The following C2orf74 variants were observed in gnomAD, a reference collection of about 807,000 sequenced individuals.
C2orf74 encodes uncharacterized protein C2orf74.
A neutral mutation model predicts 17.9 loss-of-function variants in C2orf74; 14 were observed. The observed-to-expected ratio is 0.78, with a 90% CI of 0.52 to 1.22. The LOEUF is 1.22. Ranked by LOEUF, C2orf74 falls within the 50% of genes most tolerant of loss-of-function variation. C2orf74 has a pLI of 0.00. For synonymous variants in C2orf74, 79 were observed against 72.6 expected (o/e 1.09, Z -0.44); for missense variants, 217 against 218.4 (o/e 0.99, Z 0.04).
Position 61,162,588 on chromosome 2 carries a change from T to G in C2orf74, c.74T>G (p.Leu25Trp). Residue 25 changes from leucine (L) to tryptophan (W), a missense_variant, in exon 2 of 5, where the codon TTG (leucine) becomes TGG (tryptophan). Coordinates refer to ENST00000432605, the MANE Select transcript of C2orf74 (RefSeq NM_001143959.4). ...TGCCTCATTTGCATCCTCCTCTTAT[T>G]GGTGGTTTTTTTATATAAATGGTAT... ...LICLICILLLLVVFLYKCFQG... is the reference protein window; with the variant it reads ...LICLICILLLWVVFLYKCFQG... 1 of 1,548,188 alleles carries G rather than the reference T, an allele frequency of 6.5e-7. No individual in the cohort carries two copies. The highest frequency in any genetic ancestry group is 1.2e-5 in the South Asian group (1 of 83,792).
chr2:61,148,495 A>G (rs939114564), intron 1 of C2orf74, among the ~76,000 whole-genome samples: 7 of 152,140 alleles, frequency 4.6e-5, no homozygotes, highest in African/African-American at 1.7e-4. Context: ...CTGGAAAGGA[A>G]TATTTTAATA....
At chr2:61,154,829 C>T (rs886745964) in intron 1 of C2orf74, among the ~76,000 whole-genome samples, 3 of 151,682 alleles carry the variant, frequency 2.0e-5, no homozygotes, top group South Asian at 2.1e-4. Flanking sequence ...CCAAGGTAGG[C>T]GGATCGCTTG....
chr2:61,149,559 A>G (rs1573704454), intron 1 of C2orf74, among the ~76,000 whole-genome samples: 2 of 142,192 alleles, frequency 1.4e-5, no homozygotes, highest in African/African-American at 2.6e-5. Flanking sequence ...CCCCGTCTAG[A>G]TGTTGGGCGC....
upstream of C2orf74, among the ~76,000 whole-genome samples, chr2:61,158,979 T>G (rs1685479964): frequency 2.4e-5 from 3 of 124,822 alleles, no homozygotes; most frequent in South Asian, 2.6e-4. Context: ...AGTTTTTTTT[T>G]GTTGTTTGTT....
At chr2:61,147,682 C>A (rs546196459) in intron 1 of C2orf74, among the ~76,000 whole-genome samples, 1 of 152,088 alleles carries the variant, frequency 6.6e-6, no homozygotes, top group Non-Finnish European at 1.5e-5. Flanking sequence ...TTTTTATAGG[C>A]GTTTTAAAAA....
Position 61,164,520 on chromosome 2 carries a change from GGAAAT to G in C2orf74, c.561_*1del. The G allele has an allele frequency of 6.6e-7, 1 of 1,511,928 alleles. No individual in the cohort carries two copies. Among genetic ancestry groups the G allele is most frequent in the Non-Finnish European group, 8.8e-7 (1 of 1,130,228 alleles). 93.7% of individuals were successfully genotyped at this position (1,511,928 alleles called of 1,614,324 possible). A position where few individuals can be genotyped will look rare whatever the true frequency, so the allele number is the denominator to read the frequency against. ...AGCTATACTCGAGAACATAAAGAGA[GGAAAT>G]GAAGCTCAAAAAAGGGTAAGAGTGA... is the stretch of plus-strand genomic sequence containing the variant. On this transcript the variant is annotated frameshift_variant and stop_lost, in exon 5 of 5. Transcript: ENST00000432605. LOFTEE classifies it high-confidence loss of function.
intron 4 of C2orf74, among the ~76,000 whole-genome samples, 184 bp from the exon 5 acceptor site, chr2:61,164,170 G>A (rs1729662): frequency 0.63 from 95,774 of 151,992 alleles, 30,554 homozygotes; most frequent in African/African-American, 0.73. Flanking sequence ...GAATATGTCA[G>A]TGTGTGCTTT....
rs1019364835 is a variant in C2orf74, at chr2:61,146,730, A to T, written c.-122+1534A>T. The stretch of plus-strand genomic sequence containing the variant: ...ATGCCTGTGGTCCCAGCTACTCAGG[A>T]GGCTGAGGCAGGAGAATTGAATCGC... On this transcript the variant is annotated intron_variant, in intron 1 of 3. Transcript: ENST00000426997. 4.6e-5 allele frequency among the ~76,000 whole-genome samples: 7 copies of T among 152,266 alleles called. 1 individual carries two copies.
intron 1 of C2orf74, among the ~76,000 whole-genome samples, chr2:61,145,757 A>T (rs546257928): frequency 6.6e-6 from 1 of 152,040 alleles, no homozygotes; most frequent in Non-Finnish European, 1.5e-5. Flanking sequence ...GACAGGTGGC[A>T]CGATCACAGC....
chr2:61,163,300 C>T (rs1685623925), intron 4 of C2orf74, 68 bp downstream of exon 4: 4 of 1,468,546 alleles, frequency 2.7e-6, no homozygotes, highest in African/African-American at 1.4e-5. Context: ...GTACATTCCT[C>T]AGCTAGGTAT....
chr2:61,154,032 A>C (rs1685320915), intron 1 of C2orf74, among the ~76,000 whole-genome samples: 1 of 152,130 alleles, frequency 6.6e-6, no homozygotes, highest in African/African-American at 2.4e-5. Context: ...TGAGGTCAGG[A>C]GTTCAAGACC....
At chr2:61,147,688 A>T (rs1685110501) in intron 1 of C2orf74, among the ~76,000 whole-genome samples, 1 of 152,264 alleles carries the variant, frequency 6.6e-6, no homozygotes, top group African/African-American at 2.4e-5. Context: ...TAGGCGTTTT[A>T]AAAATATTCT....
At chr2:61,147,813 G>A (rs1249901881) in intron 1 of C2orf74, among the ~76,000 whole-genome samples, 1 of 151,992 alleles carries the variant, frequency 6.6e-6, no homozygotes, top group Non-Finnish European at 1.5e-5. Context: ...TGTCGCCCAG[G>A]CTGGAGTGCA....
upstream of C2orf74, among the ~76,000 whole-genome samples, chr2:61,157,339 G>T (rs564633315): frequency 6.6e-6 from 1 of 152,186 alleles, no homozygotes; most frequent in Non-Finnish European, 1.5e-5. Flanking sequence ...ACTGTGCCTG[G>T]CCTGGAGGGA....
intron 1 of C2orf74, among the ~76,000 whole-genome samples, chr2:61,154,619 GTAAATCCAAAAACA>G (rs1163097122): frequency 6.6e-6 from 1 of 152,160 alleles, no homozygotes; most frequent in Non-Finnish European, 1.5e-5. Context: ...CAGCTTTCCT[GTAAATCCAAAAACA>G]TCCTAAAAAA....
At position 61,149,822 on chromosome 2, in the gene C2orf74, G is replaced by A. The variant is rs557809675; in HGVS notation, c.-122+4626G>A. On this transcript the variant is annotated intron_variant, in intron 1 of 3. Coordinates refer to the C2orf74 transcript ENST00000426997. The stretch of plus-strand genomic sequence containing the variant: ...TCGAACTCCTGACCTCAGGCGATCC[G>A]CCTGCCTTGGCCTCCCAAAGTGCTG... Among the ~76,000 whole-genome samples the A allele has an allele frequency of 8.3e-4, 126 of 152,068 alleles. No homozygotes were observed. In the Middle Eastern group the frequency reaches 0.014, roughly 17 times the overall value.
intron 1 of C2orf74, among the ~76,000 whole-genome samples, chr2:61,146,159 A>G (rs749155820): frequency 1.3e-5 from 2 of 152,252 alleles, no homozygotes; most frequent in Admixed American, 6.5e-5. Flanking sequence ...GATATTATAA[A>G]CTACAGTACA....
At chr2:61,148,910 ATGT>A (rs1488266236) in intron 1 of C2orf74, among the ~76,000 whole-genome samples, 1 of 151,828 alleles carries the variant, frequency 6.6e-6, no homozygotes, top group East Asian at 1.9e-4. Flanking sequence ...AGAGACGGGG[ATGT>A]TGATAATAGG....
chr2:61,155,316 GT>G (rs1685359969), intron 1 of C2orf74, among the ~76,000 whole-genome samples: 1 of 151,970 alleles, frequency 6.6e-6, no homozygotes, highest in Non-Finnish European at 1.5e-5. Context: ...TTCATGAAAT[GT>G]TTCTACTATT....
Sources: gnomAD v4.1 joint callset for allele counts (sites outside exome capture counted in the v4.1 genomes callset) on GRCh38, gnomAD v4.1.1 for gene constraint, MANE v1.5 for transcripts, NCBI Gene and HGNC (gene_info 2026-07-23, HGNC 2026-07-21) for gene names.